Variants in GNPDA1 observed in about 807,000 individuals in gnomAD.
GNPDA1 encodes glucosamine-6-phosphate deaminase 1.
GNPDA1 carries 24 observed loss-of-function variants against 28.5 expected under a neutral mutation model. The observed-to-expected ratio is 0.84, with a 90% CI of 0.61 to 1.19. GNPDA1 has a LOEUF of 1.19. GNPDA1 is among the 50% of genes most tolerant of loss of function. GNPDA1 has a pLI of 0.00. For synonymous variants in GNPDA1, 147 were observed against 139.3 expected (o/e 1.06, Z -0.39); for missense variants, 264 against 367.3 (o/e 0.72, Z 2.30).
chr5:142,010,308 G>A (rs942057330), intron 2 of GNPDA1, among the ~76,000 whole-genome samples: 4 of 152,016 alleles, frequency 2.6e-5, no homozygotes, highest in Non-Finnish European at 5.9e-5. Flanking sequence ...ATAGGTGCCC[G>A]CCACCATGCC....
Position 142,001,104 on chromosome 5 carries a change from G to C in GNPDA1, c.*925C>G, listed in dbSNP as rs1755667462. On this transcript the variant is annotated 3_prime_UTR_variant, in exon 7 of 7. Coordinates refer to ENST00000311337, the MANE Select transcript of GNPDA1 (RefSeq NM_005471.5). ...GTATTTTCCTGGCACTCACCTCCTA[G>C]GTAAGCAGGAGAGCGGGACACTCAG... 1 of 152,346 alleles carries C rather than the reference G, an allele frequency of 6.6e-6. No individual in the cohort carries two copies. The highest frequency in any genetic ancestry group is 6.5e-5 in the Admixed American group (1 of 15,284). 9.4% of individuals were successfully genotyped at this position (152,346 alleles called of 1,614,324 possible).
At position 142,006,256 on chromosome 5, in the gene GNPDA1, G is replaced by A. The variant is rs145324355; in HGVS notation, c.297C>T (p.Ile99=). Residue 99 remains isoleucine (I), a synonymous_variant, in exon 4 of 7, where the codon ATC becomes ATT. Coordinates refer to ENST00000311337, the MANE Select transcript of GNPDA1 (RefSeq NM_005471.5). ...MWNNFFKHID[I]HPENTHILDG... ...CCAGAATGTGGGTGTTTTCTGGGTGGATGTCAATGTGCTTGAAGAAGTTGT... is the reference window on the plus strand; with the variant it reads ...CCAGAATGTGGGTGTTTTCTGGGTGAATGTCAATGTGCTTGAAGAAGTTGT... 39 of 1,613,954 alleles carry A rather than the reference G, an allele frequency of 2.4e-5. No individual in the cohort carries two copies. Among genetic ancestry groups the A allele is most frequent in the Non-Finnish European group, 3.3e-5 (39 of 1,179,794 alleles).
chr5:142,003,459 C>T lies in GNPDA1; in HGVS notation c.595-197G>A, dbSNP rs566505765. The stretch of plus-strand genomic sequence containing the variant: ...ATCTCCATCTTATAAGAAAACAGAG[C>T]CCCAGGGGGTTAAATAACTTGCCCA... On this transcript the variant is annotated intron_variant, in intron 5 of 6. Transcript: ENST00000311337. This position sits in a 1 kb window ranked among gnomAD's most constrained non-coding sequence, Gnocchi z 4.0. 7.2e-5 allele frequency among the ~76,000 whole-genome samples: 11 copies of T among 152,272 alleles called. No homozygotes were observed. Among genetic ancestry groups the T allele is most frequent in the African/African-American group, 2.6e-4 (11 of 41,546 alleles).
At chr5:142,009,706 C>A (rs1254987783) in intron 2 of GNPDA1, among the ~76,000 whole-genome samples, 1 of 152,128 alleles carries the variant, frequency 6.6e-6, no homozygotes, top group Non-Finnish European at 1.5e-5. Context: ...AAACTTCTAG[C>A]CTTCCCATGA....
chr5:142,012,133 CA>C, intron 1 of GNPDA1, 92 bp from the exon 2 acceptor site: 1 of 1,289,694 alleles, frequency 7.8e-7, no homozygotes, highest in South Asian at 1.4e-5. Context: ...TCTTACCCAG[CA>C]ACAATCCCCT....
chr5:142,006,000 G>A (rs1357591263), intron 4 of GNPDA1, 144 bp downstream of exon 4: 1 of 647,594 alleles, frequency 1.5e-6, no homozygotes, highest in Non-Finnish European at 2.7e-6. Context: ...GAGTAACAGA[G>A]CCAGGCAGGG....
intron 4 of GNPDA1, 161 bp from the exon 5 acceptor site, chr5:142,005,277 T>C (rs1315516484): frequency 7.3e-6 from 4 of 550,682 alleles, no homozygotes; most frequent in African/African-American, 3.7e-5. Context: ...AAACATGTGA[T>C]CTGTCCCCCT....
At position 142,008,427 on chromosome 5, in the gene GNPDA1, T is replaced by G. The variant is rs1755860143; in HGVS notation, c.125-527A>C. Among the ~76,000 whole-genome samples, 10 of 152,296 alleles carry G rather than the reference T, an allele frequency of 6.6e-5. No homozygotes were observed. In the South Asian group the frequency reaches 2.1e-3, roughly 32 times the overall value. ...GCAGCGAAGCCCTAGTTGAGTCTCA[T>G]TAAAAAGTCAATGTCATGGCTAGGC... On this transcript the variant is annotated intron_variant, in intron 2 of 6. Coordinates refer to ENST00000311337, the MANE Select transcript of GNPDA1 (RefSeq NM_005471.5).
In GNPDA1 at chr5:142,003,406, C is replaced by G. The variant is rs1755724589; in HGVS notation, c.595-144G>C. 3.6e-6 allele frequency: 2 copies of G among 555,278 alleles called. No individual in the cohort carries two copies. The highest frequency in any genetic ancestry group is 1.9e-5 in the African/African-American group (1 of 52,902). The allele number at this position is 555,278 out of a possible 1,614,324, so 34.4% of individuals were successfully genotyped here. ...TCAGTGCTCCCTGTGCTTTATCACACAAATAACCCGAGGCAGGCAGCATCA... is the reference window on the plus strand; with the variant it reads ...TCAGTGCTCCCTGTGCTTTATCACAGAAATAACCCGAGGCAGGCAGCATCA... On this transcript the variant is annotated intron_variant, in intron 5 of 6. Transcript: ENST00000311337. The surrounding 1 kb of genome is among the most constrained non-coding windows in gnomAD (Gnocchi z 4.0).
Position 142,003,156 on chromosome 5 carries a change from CG to C in GNPDA1, c.700del (p.Arg234AlafsTer14). 6.2e-7 allele frequency: 1 copy of C among 1,614,096 alleles called. No homozygotes were observed. The highest frequency in any genetic ancestry group is 8.5e-7 in the Non-Finnish European group (1 of 1,179,982). On this transcript the variant is annotated frameshift_variant, in exon 6 of 7. Coordinates refer to ENST00000311337, the MANE Select transcript of GNPDA1 (RefSeq NM_005471.5). LOFTEE classifies it high-confidence loss of function. This position sits in a 1 kb window ranked among gnomAD's most constrained non-coding sequence, Gnocchi z 4.0. ...WTVSAFQQHP[R>X]TVFVCDEDAT... ...ATCCTCGTCACACACAAACACGGTGCGGGGATGCTGCTGGAAGGCAGACACG... is the reference window on the plus strand; with the variant it reads ...ATCCTCGTCACACACAAACACGGTGCGGGATGCTGCTGGAAGGCAGACACG...
chr5:142,009,739 T>C (rs1755898142), intron 2 of GNPDA1, among the ~76,000 whole-genome samples: 2 of 152,170 alleles, frequency 1.3e-5, no homozygotes, highest in South Asian at 4.1e-4. Flanking sequence ...TCCCAGTATC[T>C]AGCCAATAAA....
rs1156986704 is a variant in GNPDA1, at chr5:142,011,949, T to C, written c.87A>G (p.Pro29=). The change falls in exon 2 of 7, where the codon CCA becomes CCG. Residue 29 remains proline, a synonymous_variant. Transcript: ENST00000311337. ...CCAGGGTGAAGTACTTCTCTGGCCC[T>C]GGGTTAAACTGGATGATGCGGTTCC... ...YIRNRIIQFN[P]GPEKYFTLGL... The C allele has an allele frequency of 6.2e-7, 1 of 1,614,030 alleles. No individual in the cohort carries two copies. Among genetic ancestry groups the C allele is most frequent in the Non-Finnish European group, 8.5e-7 (1 of 1,179,918 alleles).
chr5:142,004,939 G>A lies in GNPDA1; in HGVS notation c.587C>T (p.Ala196Val). The A allele has an allele frequency of 6.2e-7, 1 of 1,600,204 alleles. No individual in the cohort carries two copies. Among genetic ancestry groups the A allele is most frequent in the Non-Finnish European group, 8.6e-7 (1 of 1,168,698 alleles). ...GGGCCCTTATGCCCTTACCTCTCTA[G>A]CATCCATGACAGTGCCCACCCCCAC... Reference protein sequence around the residue: ...LTVGVGTVMDAREVMILITGA... With the variant: ...LTVGVGTVMDVREVMILITGA... The change falls in exon 5 of 7, where the codon GCT (alanine) becomes GTT (valine). Residue 196 changes from alanine (A) to valine (V), a missense_variant. Coordinates refer to ENST00000311337, the MANE Select transcript of GNPDA1 (RefSeq NM_005471.5).
intron 2 of GNPDA1, among the ~76,000 whole-genome samples, chr5:142,011,234 CAAAAAAAA>C (rs35952167): frequency 1.7e-5 from 2 of 115,584 alleles, no homozygotes; most frequent in South Asian, 2.8e-4. Context: ...CAAGGAAGAC[CAAAAAAAA>C]AAAAAAAAAG....
Position 142,006,270 on chromosome 5 carries a change from TGAA to T in GNPDA1, c.280_282del (p.Phe94del). 3 of 1,614,086 alleles carry T rather than the reference TGAA, an allele frequency of 1.9e-6. No homozygotes were observed. The highest frequency in any genetic ancestry group is 3.3e-4 in the Middle Eastern group (2 of 6,046). ...TTTTCTGGGTGGATGTCAATGTGCT[TGAA>T]GAAGTTGTTCCACATGAAGGAGTGG... On this transcript the variant is annotated inframe_deletion, in exon 4 of 7. Coordinates refer to ENST00000311337, the MANE Select transcript of GNPDA1 (RefSeq NM_005471.5).
Position 142,002,070 on chromosome 5 carries a change from T to C in GNPDA1, c.829A>G (p.Thr277Ala), listed in dbSNP as rs969155940. Reference sequence around the variant, plus strand: ...TTCTTCGAAGATTGGCTTTTCTCAGTTTCTTTCTCTTTGATACTGTACAAG... The same window carrying C: ...TTCTTCGAAGATTGGCTTTTCTCAGCTTCTTTCTCTTTGATACTGTACAAG... ...DPLYSIKEKE[T>A]EKSQSSKKPY... Residue 277 changes from threonine to alanine, a missense_variant, in exon 7 of 7, where the codon ACT becomes GCT. By Grantham distance (58) the Thr-to-Ala change is moderately conservative (BLOSUM62 0). Coordinates refer to ENST00000311337, the MANE Select transcript of GNPDA1 (RefSeq NM_005471.5). 6.2e-7 allele frequency: 1 copy of C among 1,605,806 alleles called. No homozygotes were observed. Among genetic ancestry groups the C allele is most frequent in the Non-Finnish European group, 8.5e-7 (1 of 1,172,582 alleles).
intron 2 of GNPDA1, among the ~76,000 whole-genome samples, chr5:142,009,310 C>T (rs1755882727): frequency 6.6e-6 from 1 of 152,090 alleles, no homozygotes; most frequent in South Asian, 2.1e-4. Context: ...TATTCTAAGG[C>T]TCCACAGAAC....
chr5:142,005,277 T>A, intron 4 of GNPDA1, 161 bp from the exon 5 acceptor site: 1 of 550,800 alleles, frequency 1.8e-6, no homozygotes, highest in South Asian at 2.5e-5. Context: ...AAACATGTGA[T>A]CTGTCCCCCT....
intron 2 of GNPDA1, among the ~76,000 whole-genome samples, chr5:142,008,170 C>T (rs1040931119): frequency 6.6e-6 from 1 of 152,244 alleles, no homozygotes; most frequent in Admixed American, 6.5e-5. Context: ...ACTGAAATCA[C>T]TCTGATTAGT....
Sources: gnomAD v4.1 joint callset for allele counts (sites outside exome capture counted in the v4.1 genomes callset) on GRCh38, gnomAD v4.1.1 for gene constraint, Gnocchi (gnomAD v3.1) non-coding constraint, MANE v1.5 for transcripts, NCBI Gene and HGNC (gene_info 2026-07-23, HGNC 2026-07-21) for gene names.